Variants in TPST1 observed in about 807,000 individuals in gnomAD.
TPST1 encodes tyrosylprotein sulfotransferase 1.
A neutral mutation model predicts 34.8 loss-of-function variants in TPST1; 20 were observed. The observed-to-expected ratio is 0.57, with a 90% CI of 0.40 to 0.84. The LOEUF is 0.84. Ranked by LOEUF, TPST1 falls within the 40% of genes least tolerant of loss-of-function variation. The pLI is 0.00. For synonymous variants in TPST1, 152 were observed against 159.4 expected, an observed-to-expected ratio of 0.95 and a Z score of 0.35; for missense variants, 353 against 455.5, an observed-to-expected ratio of 0.78 and a Z score of 2.05.
intron 3 of TPST1, among the ~76,000 whole-genome samples, chr7:66,343,916 TAGAAAC>T (rs1792290298): frequency 6.6e-6 from 1 of 151,986 alleles, no homozygotes; most frequent in African/African-American, 2.4e-5. Context: ...AAGCAGACAA[TAGAAAC>T]TCTAAGAAAG....
chr7:66,319,583 T>C (rs1287614196), intron 3 of TPST1, among the ~76,000 whole-genome samples: 1 of 152,216 alleles, frequency 6.6e-6, no homozygotes, highest in Non-Finnish European at 1.5e-5. Context: ...GTAGCTGAAT[T>C]TGATAGAAGT....
Position 66,328,882 on chromosome 7 carries a change from CTCTCTATA to C in TPST1, c.1045-23621_1045-23614del, listed in dbSNP as rs1267750327. On this transcript the variant is annotated intron_variant, in intron 3 of 5. Transcript: ENST00000304842. ...CCGCTCTCTCTCTCTCTCTCTCTCTCTCTCTATATATATATATATATATATTTTTTTTT... is the reference window on the plus strand; with the variant it reads ...CCGCTCTCTCTCTCTCTCTCTCTCTCTATATATATATATATATTTTTTTTT... Among the ~76,000 whole-genome samples the C allele has an allele frequency of 8.7e-3, 261 of 29,834 alleles. 2 individuals are homozygous for C. The highest frequency in any genetic ancestry group is 0.019 in the East Asian group (26 of 1,396). 19.6% of individuals were successfully genotyped at this position (29,834 alleles called of 152,430 possible).
chr7:66,358,710 A>T (rs2116416849), intron 5 of TPST1, among the ~76,000 whole-genome samples: 1 of 152,300 alleles, frequency 6.6e-6, no homozygotes, highest in South Asian at 2.1e-4. Flanking sequence ...GCTGAATGTT[A>T]GTCTTATGCC....
chr7:66,234,297 GA>G (rs1159257382), intron 1 of TPST1, among the ~76,000 whole-genome samples: 1 of 152,004 alleles, frequency 6.6e-6, no homozygotes, highest in East Asian at 1.9e-4. Context: ...CATTTTAAAA[GA>G]AAGACTGTTC....
intron 2 of TPST1, among the ~76,000 whole-genome samples, chr7:66,267,822 G>A (rs1562822071): frequency 6.6e-6 from 1 of 152,130 alleles, no homozygotes; most frequent in South Asian, 2.1e-4. Context: ...CTGCCCTTAT[G>A]GAACATATAT....
chr7:66,247,652 T>G (rs1790178853), intron 2 of TPST1, among the ~76,000 whole-genome samples: 1 of 150,990 alleles, frequency 6.6e-6, no homozygotes, highest in Non-Finnish European at 1.5e-5. Context: ...TTAGGGAATA[T>G]TGTGCTCCCT....
At chr7:66,275,935 C>A (rs1302392868) in intron 2 of TPST1, among the ~76,000 whole-genome samples, 1 of 151,902 alleles carries the variant, frequency 6.6e-6, no homozygotes, top group Non-Finnish European at 1.5e-5. Flanking sequence ...TGAGCCATTT[C>A]ACCATGTATA....
intron 1 of TPST1, among the ~76,000 whole-genome samples, chr7:66,214,280 C>T (rs1402483685): frequency 1.3e-5 from 2 of 151,754 alleles, no homozygotes; most frequent in Non-Finnish European, 2.9e-5. Flanking sequence ...ATTTTGAGCA[C>T]ATAATAAAGA....
At chr7:66,351,235 T>C (rs1003607846) in intron 3 of TPST1, among the ~76,000 whole-genome samples, 1 of 151,550 alleles carries the variant, frequency 6.6e-6, no homozygotes, top group Non-Finnish European at 1.5e-5. Flanking sequence ...CTCCTCATCA[T>C]TATGTTGAGA....
upstream of TPST1, among the ~76,000 whole-genome samples, chr7:66,204,835 G>C (rs2116172917): frequency 1.3e-5 from 2 of 152,356 alleles, no homozygotes; most frequent in East Asian, 3.9e-4. Context: ...TTGCATTTGC[G>C]CGTTATCTCC....
intron 2 of TPST1, among the ~76,000 whole-genome samples, chr7:66,275,768 A>G (rs1790796775): frequency 6.6e-6 from 1 of 152,196 alleles, no homozygotes; most frequent in South Asian, 2.1e-4. Flanking sequence ...ATAAAATTTC[A>G]TTTAGACAGG....
intron 3 of TPST1, among the ~76,000 whole-genome samples, chr7:66,307,591 G>C (rs1791450733): frequency 6.6e-6 from 1 of 152,336 alleles, no homozygotes; most frequent in Non-Finnish European, 1.5e-5. Context: ...GATGGAAGCG[G>C]TCCAGTGTGA....
chr7:66,344,335 T>C (rs191574480), intron 3 of TPST1: 234 of 152,286 alleles, frequency 1.5e-3, no homozygotes, highest in African/African-American at 5.4e-3. Flanking sequence ...AACACTAAAA[T>C]TGGAACAATA....
At chr7:66,300,252 A>G (rs1321268703) in intron 3 of TPST1, among the ~76,000 whole-genome samples, 2 of 152,192 alleles carry the variant, frequency 1.3e-5, no homozygotes, top group Non-Finnish European at 2.9e-5. Flanking sequence ...CTTTTCAACA[A>G]TATTCACAGC....
chr7:66,215,734 T>G (rs1364225826), intron 1 of TPST1, among the ~76,000 whole-genome samples: 1 of 151,512 alleles, frequency 6.6e-6, no homozygotes, highest in Admixed American at 6.6e-5. Context: ...TTGATAGAAT[T>G]TACTAGTGAA....
intron 1 of TPST1, among the ~76,000 whole-genome samples, chr7:66,211,125 TTTTTA>T (rs751470925): frequency 1.1e-4 from 16 of 152,084 alleles, no homozygotes; most frequent in Non-Finnish European, 1.6e-4. Flanking sequence ...TCCATTTTTA[TTTTTA>T]TTTTATTTTT....
intron 3 of TPST1, among the ~76,000 whole-genome samples, chr7:66,328,859 G>GCT (rs755431410): frequency 0.027 from 487 of 18,332 alleles, 21 homozygotes; most frequent in Middle Eastern, 0.062. Flanking sequence ...TCTCTCTCCC[G>GCT]CTCTCTCTCT....
chr7:66,239,594 T>G (rs569158558), intron 1 of TPST1, among the ~76,000 whole-genome samples: 11 of 152,338 alleles, frequency 7.2e-5, no homozygotes, highest in Non-Finnish European at 1.3e-4. Flanking sequence ...AATTTCTCAT[T>G]GTTAGAATGT....
chr7:66,222,286 G>A (rs1425083357), intron 1 of TPST1, among the ~76,000 whole-genome samples: 1 of 152,002 alleles, frequency 6.6e-6, no homozygotes, highest in Non-Finnish European at 1.5e-5. Flanking sequence ...TGGGGAGGCT[G>A]AGGCAGGAGA....
Sources: gnomAD v4.1 joint callset for allele counts (sites outside exome capture counted in the v4.1 genomes callset) on GRCh38, gnomAD v4.1.1 for gene constraint, MANE v1.5 for transcripts, NCBI Gene and HGNC (gene_info 2026-07-23, HGNC 2026-07-21) for gene names.